SGK3: variants seen among roughly 807,000 people sequenced by gnomAD.
SGK3 encodes serum/glucocorticoid regulated kinase family member 3.
In SGK3, 47 loss-of-function variants were observed where a neutral mutation model predicts 68.5. The observed-to-expected ratio is 0.69, with a 90% confidence interval of 0.54 to 0.87. The LOEUF (loss-of-function observed/expected upper bound fraction) is 0.87. Among genes scored for constraint, SGK3 ranks in the 40% least tolerant of loss-of-function variants. SGK3 has a pLI of 0.00. For missense variants in SGK3, 479 were observed against 575.5 expected (o/e 0.83, Z 1.72); for synonymous variants, 181 against 189.1 (o/e 0.96, Z 0.35).
At chr8:66,772,468 C>T (rs1395179895) in intron 1 of SGK3, among the ~76,000 whole-genome samples, 1 of 151,622 alleles carries the variant, frequency 6.6e-6, no homozygotes, top group East Asian at 1.9e-4. Flanking sequence ...AATCTTGGCT[C>T]ATTGCAGCCT....
Position 66,822,454 on chromosome 8 carries a change from C to T in SGK3, c.412C>T (p.Gln138Ter). The T allele has an allele frequency of 6.2e-7, 1 of 1,610,934 alleles. No homozygotes were observed. The highest frequency in any genetic ancestry group is 8.5e-7 in the Non-Finnish European group (1 of 1,178,530). Residue 138 changes from glutamine (Q) to a stop codon, truncating the protein, a stop_gained, in exon 6 of 17, where the codon CAG becomes TAG. Coordinates refer to ENST00000521198, the MANE Select transcript of SGK3 (RefSeq NM_001033578.3). LOFTEE classifies it high-confidence loss of function. ...PSEDEDERSS[Q>*]KLHSTSQNIN... is the part of the protein sequence containing the mutation. ...TGAAGATGAGGATGAAAGAAGTTCT[C>T]AGAAGGTAGTAAGAGGAATTGCCTT...
intron 1 of SGK3, among the ~76,000 whole-genome samples, chr8:66,788,208 G>A (rs187362810): frequency 5.5e-4 from 84 of 152,296 alleles, no homozygotes; most frequent in East Asian, 1.2e-3. Context: ...TACTTGTGCC[G>A]TCCAGACCTG....
chr8:66,759,393 A>G (rs1806086952), intron 1 of SGK3, among the ~76,000 whole-genome samples: 1 of 151,198 alleles, frequency 6.6e-6, no homozygotes, highest in Non-Finnish European at 1.5e-5. Context: ...CTGGGCCAAT[A>G]AGGCATTCTC....
At chr8:66,731,242 ATATG>A (rs1222143226) in intron 1 of SGK3, among the ~76,000 whole-genome samples, 6 of 152,282 alleles carry the variant, frequency 3.9e-5, no homozygotes, top group Admixed American at 1.3e-4. Context: ...TGTTAGAAGA[ATATG>A]TATTCTGCTG....
At chr8:66,723,116 TATA>T (rs1804859641) in intron 1 of SGK3, among the ~76,000 whole-genome samples, 6 of 52,356 alleles carry the variant, frequency 1.1e-4, no homozygotes, top group African/African-American at 4.0e-4. Context: ...TATATATATA[TATA>T]TATATATATA....
At chr8:66,741,390 A>T (rs1266567596) in intron 1 of SGK3, among the ~76,000 whole-genome samples, 1 of 151,972 alleles carries the variant, frequency 6.6e-6, no homozygotes, top group East Asian at 1.9e-4. Flanking sequence ...TCTCTACCAA[A>T]AATACAAAAA....
intron 1 of SGK3, among the ~76,000 whole-genome samples, chr8:66,745,029 T>C (rs193229991): frequency 6.6e-6 from 1 of 152,246 alleles, no homozygotes; most frequent in East Asian, 1.9e-4. Flanking sequence ...TTTAGTCTTT[T>C]ATTTTTTTAA....
At chr8:66,723,117 A>G (rs1435221706) in intron 1 of SGK3, among the ~76,000 whole-genome samples, 1 of 49,778 alleles carries the variant, frequency 2.0e-5, no homozygotes, top group Non-Finnish European at 3.8e-5. Flanking sequence ...ATATATATAT[A>G]TATATATATA....
At chr8:66,846,657 T>C (rs1810032305) in intron 14 of SGK3, among the ~76,000 whole-genome samples, 1 of 152,214 alleles carries the variant, frequency 6.6e-6, no homozygotes. Flanking sequence ...ATTAACTAGC[T>C]AATGCTTGTG....
rs1809159344 is a variant in SGK3 at position 66,828,521 on chromosome 8, C to G, written c.418-133C>G. On this transcript the variant is annotated intron_variant, in intron 6 of 16. Transcript: ENST00000521198. ...GTAAGTCTATACCCTTACTGAGAAT[C>G]AGGACTTTGGGTTTCTTTAACATGG... 2.4e-5 allele frequency: 28 copies of G among 1,174,618 alleles called. No individual in the cohort carries two copies. The South Asian group carries it at 3.8e-4, about 16-fold the overall frequency. The allele number at this position is 1,174,618 out of a possible 1,614,324, so 72.8% of individuals were successfully genotyped here.
intron 15 of SGK3, among the ~76,000 whole-genome samples, chr8:66,848,208 TG>T (rs1810114798): frequency 6.6e-6 from 1 of 152,188 alleles, no homozygotes; most frequent in South Asian, 2.1e-4. Flanking sequence ...CCTTGTCCCT[TG>T]GTCCATTTAT....
At chr8:66,855,895 T>C (rs780339582) in intron 16 of SGK3, among the ~76,000 whole-genome samples, 43 of 152,220 alleles carry the variant, frequency 2.8e-4, no homozygotes, top group Non-Finnish European at 5.6e-4. Flanking sequence ...TTTACATGTA[T>C]CCTTTTACTA....
At chr8:66,766,455 A>G (rs1009782601) in intron 1 of SGK3, among the ~76,000 whole-genome samples, 2 of 152,116 alleles carry the variant, frequency 1.3e-5, no homozygotes, top group African/African-American at 2.4e-5. Context: ...CCTAGGAGGC[A>G]GAGAGGTTGC....
intron 4 of SGK3, among the ~76,000 whole-genome samples, chr8:66,808,792 G>A (rs755833036): frequency 3.3e-5 from 5 of 150,958 alleles, no homozygotes; most frequent in South Asian, 2.1e-4. Flanking sequence ...GATTACAGGC[G>A]TGAGCCACTG....
At chr8:66,722,567 C>T (rs937888324) in intron 1 of SGK3, among the ~76,000 whole-genome samples, 5 of 152,224 alleles carry the variant, frequency 3.3e-5, no homozygotes, top group African/African-American at 9.6e-5. Context: ...CCGCCGTGCC[C>T]AGCCTCTGCA....
At chr8:66,729,485 C>G (rs949340897) in intron 1 of SGK3, among the ~76,000 whole-genome samples, 1 of 151,772 alleles carries the variant, frequency 6.6e-6, no homozygotes, top group African/African-American at 2.4e-5. Context: ...AAAAAAAATC[C>G]TGTTGTATGA....
At chr8:66,724,190 G>A (rs1355974438) in intron 1 of SGK3, among the ~76,000 whole-genome samples, 2 of 152,162 alleles carry the variant, frequency 1.3e-5, no homozygotes, top group African/African-American at 4.8e-5. Context: ...CTGTTGCCCA[G>A]GCTAGTCTCA....
At chr8:66,715,793 T>C (rs1804616240) in intron 1 of SGK3, among the ~76,000 whole-genome samples, 1 of 152,102 alleles carries the variant, frequency 6.6e-6, no homozygotes, top group South Asian at 2.1e-4. Flanking sequence ...TTAGAGGGGA[T>C]AATATGGCCA....
chr8:66,719,412 G>A (rs1038039040), intron 1 of SGK3, among the ~76,000 whole-genome samples: 4 of 152,080 alleles, frequency 2.6e-5, no homozygotes, highest in Non-Finnish European at 4.4e-5. Context: ...CTGCAGTTTC[G>A]ACCTCTAGGG....
Sources: allele counts gnomAD v4.1 joint callset (sites outside exome capture counted in the v4.1 genomes callset), GRCh38; gene constraint gnomAD v4.1.1; transcripts MANE v1.5; gene names NCBI Gene and HGNC (gene_info 2026-07-23, HGNC 2026-07-21).